CDC42BPB: variants seen among roughly 807,000 people sequenced by gnomAD.
The protein encoded by CDC42BPB is serine/threonine-protein kinase MRCK beta.
A neutral mutation model predicts 214.9 loss-of-function variants in CDC42BPB; 37 were observed. The ratio of observed to expected loss-of-function variants is 0.17; its 90% CI spans 0.13 to 0.23. CDC42BPB has a LOEUF of 0.23. CDC42BPB is among the 10% of genes least tolerant of loss of function. The pLI is 1.00. For synonymous variants in CDC42BPB, 931 were observed against 884.0 expected, an observed-to-expected ratio of 1.05 and a Z score of -0.94; for missense variants, 1,694 against 2,227.0, an observed-to-expected ratio of 0.76 and a Z score of 4.82.
At chr14:102,938,962 A>G (rs1455677090) in intron 34 of CDC42BPB, among the ~76,000 whole-genome samples, 1 of 146,000 alleles carries the variant, frequency 6.8e-6, no homozygotes, top group African/African-American at 2.6e-5. Flanking sequence ...TTTGAGACGG[A>G]GTCTTGCTCT....
intron 5 of CDC42BPB, among the ~76,000 whole-genome samples, chr14:102,992,403 CA>C (rs1484983564): frequency 6.6e-6 from 1 of 152,192 alleles, no homozygotes; most frequent in Non-Finnish European, 1.5e-5. Context: ...ATGGCAGACA[CA>C]GTACCTGCCA....
chr14:103,041,600 T>C (rs1382330853), intron 1 of CDC42BPB: 5 of 894,710 alleles, frequency 5.6e-6, no homozygotes, highest in Non-Finnish European at 8.9e-6. Context: ...GTGCCCCACA[T>C]TGCCCTGCAC....
rs762818594 is a variant in CDC42BPB at position 102,933,692 on chromosome 14, C to G, written c.*20G>C. On this transcript the variant is annotated 3_prime_UTR_variant, in exon 37 of 37. Coordinates refer to ENST00000361246, the MANE Select transcript of CDC42BPB (RefSeq NM_006035.4). ...GGAGGCCATCTCCAGCTCCCTGGCC[C>G]CTGTGGCGAGCTGGCGGCTTCAGGT... The G allele has an allele frequency of 2.1e-6, 3 of 1,441,666 alleles. No homozygotes were observed. The highest frequency in any genetic ancestry group is 7.1e-5 in the Admixed American group (2 of 28,122). 89.3% of individuals were successfully genotyped at this position (1,441,666 alleles called of 1,614,324 possible).
rs182126139 is a variant in CDC42BPB at position 103,010,716 on chromosome 14, G to A, written c.267+1381C>T. ...GCTTAGATCAAACCTCAGCATAGGTGCTAAGGCACTGCACAGTTTAAGAAG... is the reference window on the plus strand; with the variant it reads ...GCTTAGATCAAACCTCAGCATAGGTACTAAGGCACTGCACAGTTTAAGAAG... On this transcript the variant is annotated intron_variant, in intron 2 of 36. Coordinates refer to ENST00000361246, the MANE Select transcript of CDC42BPB (RefSeq NM_006035.4). Among the ~76,000 whole-genome samples the A allele has an allele frequency of 2.3e-4, 35 of 152,346 alleles. No homozygotes were observed. The East Asian group carries it at 5.4e-3, about 23-fold the overall frequency.
rs375533307 is a variant in CDC42BPB, at chr14:103,005,117, G to A, written c.352-1094C>T. On this transcript the variant is annotated intron_variant, in intron 3 of 36. Coordinates refer to ENST00000361246, the MANE Select transcript of CDC42BPB (RefSeq NM_006035.4). ...CAGGAGGCGGAGCTTGCAGTGAGCC[G>A]AGATCATGCCACTGCACTCCAGCCT... 6.0e-4 allele frequency among the ~76,000 whole-genome samples: 90 copies of A among 150,090 alleles called. 1 individual carries two copies. The highest frequency in any genetic ancestry group is 2.1e-3 in the African/African-American group (86 of 40,704).
intron 9 of CDC42BPB, 170 bp from the exon 10 acceptor site, chr14:102,976,219 CAAG>C: frequency 1.0e-6 from 1 of 985,358 alleles, no homozygotes; most frequent in East Asian, 1.1e-4. Flanking sequence ...ACCAGATGGT[CAAG>C]GAGACACTGA....
chr14:102,954,948 G>C (rs1369947706), intron 21 of CDC42BPB: 6 of 250,176 alleles, frequency 2.4e-5, no homozygotes, highest in Non-Finnish European at 3.2e-5. Flanking sequence ...AGTCTGACAA[G>C]TCACAGTCAC....
Position 102,940,052 on chromosome 14 carries a change from ACTTGCT to A in CDC42BPB, c.4579_4584del (p.Ser1527_Lys1528del). ...GGTGCAGAGGAAGGCTCACCCGAGA[ACTTGCT>A]CTTGAAGTAGATCAAGCGTGGAGGC... On this transcript the variant is annotated inframe_deletion, in exon 32 of 37. Transcript: ENST00000361246. The A allele has an allele frequency of 6.2e-7, 1 of 1,613,924 alleles. No individual in the cohort carries two copies. Among genetic ancestry groups the A allele is most frequent in the Non-Finnish European group, 8.5e-7 (1 of 1,180,008 alleles).
intron 14 of CDC42BPB, among the ~76,000 whole-genome samples, chr14:102,969,835 G>A (rs1330052219): frequency 2.6e-5 from 4 of 152,238 alleles, no homozygotes; most frequent in East Asian, 3.8e-4. Flanking sequence ...AGAATACCAC[G>A]ATGTGAAGAA....
chr14:103,056,991 G>A lies in CDC42BPB; in HGVS notation c.175+8C>T. The A allele has an allele frequency of 1.4e-6, 2 of 1,421,286 alleles. No homozygotes were observed. Among genetic ancestry groups the A allele is most frequent in the Non-Finnish European group, 9.2e-7 (1 of 1,085,118 alleles). 88.0% of individuals were successfully genotyped at this position (1,421,286 alleles called of 1,614,324 possible). Reference sequence around the variant, plus strand: ...GCCGCAGGTCCGGCCCTGCCGGCGCGCACTTACCCCACTCGAGGAACTCGG... The same window carrying A: ...GCCGCAGGTCCGGCCCTGCCGGCGCACACTTACCCCACTCGAGGAACTCGG... On this transcript the variant is annotated splice_region_variant and intron_variant, in intron 1 of 36. Coordinates refer to ENST00000361246, the MANE Select transcript of CDC42BPB (RefSeq NM_006035.4).
chr14:103,039,896 T>G (rs2139741428), intron 1 of CDC42BPB, among the ~76,000 whole-genome samples: 1 of 152,252 alleles, frequency 6.6e-6, no homozygotes, highest in Non-Finnish European at 1.5e-5. Flanking sequence ...TCTAATGAAT[T>G]CACTAAAAAA....
intron 1 of CDC42BPB, among the ~76,000 whole-genome samples, chr14:103,049,683 T>C (rs1888500136): frequency 6.6e-6 from 1 of 152,210 alleles, no homozygotes; most frequent in African/African-American, 2.4e-5. Context: ...AATCACCCCA[T>C]GGGGCATGGT....
intron 2 of CDC42BPB, 24 bp downstream of exon 2, chr14:103,012,073 T>A: frequency 1.3e-6 from 2 of 1,536,548 alleles, no homozygotes; most frequent in South Asian, 2.2e-5. Context: ...TTAGGCAAAG[T>A]TAACAAAATG....
At chr14:102,992,613 C>T (rs141014135) in intron 5 of CDC42BPB, among the ~76,000 whole-genome samples, 4 of 152,204 alleles carry the variant, frequency 2.6e-5, no homozygotes, top group African/African-American at 9.6e-5. Flanking sequence ...CCACTCACCG[C>T]CTCACCAACT....
chr14:102,964,482 C>G lies in CDC42BPB; in HGVS notation c.2726+20G>C, dbSNP rs374141380. ...CACAGCCACTGCTCCTACCTGGAGT[C>G]AGACCCTGGCACCAAGTACCTTTCC... is the stretch of plus-strand genomic sequence containing the variant. On this transcript the variant is annotated intron_variant, in intron 19 of 36. Coordinates refer to ENST00000361246, the MANE Select transcript of CDC42BPB (RefSeq NM_006035.4). 5.4e-5 allele frequency: 87 copies of G among 1,612,012 alleles called. No individual in the cohort carries two copies. The highest frequency in any genetic ancestry group is 7.0e-5 in the Non-Finnish European group (82 of 1,179,550).
chr14:103,009,509 A>C (rs1886034238), intron 2 of CDC42BPB, among the ~76,000 whole-genome samples: 1 of 152,270 alleles, frequency 6.6e-6, no homozygotes, highest in South Asian at 2.1e-4. Flanking sequence ...GGCTCCCTTC[A>C]ATCAGAGGAG....
intron 27 of CDC42BPB, 48 bp from the exon 28 acceptor site, chr14:102,946,732 A>G: frequency 6.3e-7 from 1 of 1,599,490 alleles, no homozygotes; most frequent in Admixed American, 1.7e-5. Context: ...CAAACGCCAA[A>G]GCCGCACGCA....
chr14:103,050,793 C>G (rs751899288), intron 1 of CDC42BPB, among the ~76,000 whole-genome samples: 1 of 151,964 alleles, frequency 6.6e-6, no homozygotes, highest in Non-Finnish European at 1.5e-5. Flanking sequence ...GTTTTCCAAC[C>G]TATGACTCTG....
At position 102,954,283 on chromosome 14, in the gene CDC42BPB, A is replaced by G. The variant is rs1343520483; in HGVS notation, c.2989-8T>C. The stretch of plus-strand genomic sequence containing the variant: ...CGGGGGCCGAGCCATGTCCTGGGAG[A>G]CAAGCAGGACAGGTGAGTGTCGGCC... On this transcript the variant is annotated splice_polypyrimidine_tract_variant and splice_region_variant and intron_variant, in intron 22 of 36. Transcript: ENST00000361246. The G allele has an allele frequency of 6.6e-7, 1 of 1,517,428 alleles. No homozygotes were observed. Among genetic ancestry groups the G allele is most frequent in the Non-Finnish European group, 8.8e-7 (1 of 1,134,000 alleles). 94.0% of individuals were successfully genotyped at this position (1,517,428 alleles called of 1,614,324 possible). A position where few individuals can be genotyped will look rare whatever the true frequency, so the allele number is the denominator to read the frequency against.
Sources: allele counts gnomAD v4.1 joint callset (sites outside exome capture counted in the v4.1 genomes callset), GRCh38; gene constraint gnomAD v4.1.1; transcripts MANE v1.5; gene names NCBI Gene and HGNC (gene_info 2026-07-23, HGNC 2026-07-21).